Variants in BTBD9 observed in about 807,000 individuals in gnomAD.
BTBD9 encodes BTB/POZ domain-containing protein 9.
A neutral mutation model predicts 64.3 loss-of-function variants in BTBD9; 49 were observed. That is an observed-to-expected ratio of 0.76 (90% CI 0.61 to 0.97). The LOEUF is 0.97. Among genes scored for constraint, BTBD9 ranks in the 50% least tolerant of loss-of-function variants. BTBD9 has a pLI of 0.00. For missense variants in BTBD9, 598 were observed against 762.1 expected, an observed-to-expected ratio of 0.78 and a Z score of 2.53; for synonymous variants, 260 against 274.7, an observed-to-expected ratio of 0.95 and a Z score of 0.53.
At chr6:38,290,394 A>G (rs991596428) in intron 7 of BTBD9, among the ~76,000 whole-genome samples, 4 of 151,958 alleles carry the variant, frequency 2.6e-5, no homozygotes, top group Non-Finnish European at 4.4e-5. Flanking sequence ...AAAGGGCAGT[A>G]TTCTTTGATT....
chr6:38,424,977 C>T (rs1280317549), intron 6 of BTBD9, among the ~76,000 whole-genome samples: 1 of 151,654 alleles, frequency 6.6e-6, no homozygotes, highest in Non-Finnish European at 1.5e-5. Context: ...GCTGGGATTA[C>T]AGGCACATGC....
chr6:38,273,507 T>C (rs1271999428), intron 8 of BTBD9, among the ~76,000 whole-genome samples: 1 of 152,164 alleles, frequency 6.6e-6, no homozygotes, highest in African/African-American at 2.4e-5. Flanking sequence ...GTAGAGATAA[T>C]GACATGCAAT....
chr6:38,374,290 T>TATATATAC (rs1344883215), intron 6 of BTBD9, among the ~76,000 whole-genome samples: 1,908 of 72,068 alleles, frequency 0.026, 212 homozygotes, highest in South Asian at 0.036. Flanking sequence ...AAAGTATATA[T>TATATATAC]ATATATGTAT....
chr6:38,360,913 G>A (rs139404451), intron 6 of BTBD9, among the ~76,000 whole-genome samples: 20 of 152,316 alleles, frequency 1.3e-4, no homozygotes, highest in Non-Finnish European at 2.5e-4. Context: ...TTTAAATGCT[G>A]CAAAGGGAAA....
intron 6 of BTBD9, among the ~76,000 whole-genome samples, chr6:38,505,715 C>T (rs183143978): frequency 1.3e-5 from 2 of 151,816 alleles, no homozygotes; most frequent in African/African-American, 4.8e-5. Flanking sequence ...GCCTGTAATC[C>T]TAGCACTTTG....
intron 6 of BTBD9, among the ~76,000 whole-genome samples, chr6:38,416,524 T>G (rs2127267971): frequency 7.0e-6 from 1 of 142,834 alleles, no homozygotes; most frequent in Admixed American, 7.0e-5. Flanking sequence ...TTTTTTTTTT[T>G]TAGTACAGAC....
intron 10 of BTBD9, among the ~76,000 whole-genome samples, chr6:38,190,793 CTCT>C (rs1345044365): frequency 2.6e-5 from 4 of 152,192 alleles, no homozygotes; most frequent in African/African-American, 7.2e-5. Context: ...GTCCAAGATT[CTCT>C]TCTTCTTCCT....
At position 38,443,945 on chromosome 6, in the gene BTBD9, T is replaced by C. The variant is rs571443861; in HGVS notation, c.1155-98852A>G. On this transcript the variant is annotated intron_variant, in intron 6 of 10. Transcript: ENST00000481247. ...TACAAATCTGCTTGTGTCATTCCCC[T>C]GCTTAAGTGGTTTCCTGCCTCTACA... is the stretch of plus-strand genomic sequence containing the variant. Among the ~76,000 whole-genome samples, 21 of 152,292 alleles carry C rather than the reference T, an allele frequency of 1.4e-4. No homozygotes were observed. The East Asian group carries it at 4.1e-3, about 29-fold the overall frequency.
intron 6 of BTBD9, among the ~76,000 whole-genome samples, chr6:38,573,637 T>C (rs1340889609): frequency 2.0e-5 from 3 of 152,208 alleles, no homozygotes; most frequent in South Asian, 2.1e-4. Flanking sequence ...TCCCAGGTTT[T>C]AGACCAAGAT....
At chr6:38,611,361 T>C (rs1430970524) in intron 1 of BTBD9, among the ~76,000 whole-genome samples, 1 of 152,174 alleles carries the variant, frequency 6.6e-6, no homozygotes, top group Non-Finnish European at 1.5e-5. Flanking sequence ...TGGATTTCTC[T>C]TTTACATAAA....
intron 3 of BTBD9, among the ~76,000 whole-genome samples, chr6:38,593,174 A>T (rs939496874): frequency 4.6e-5 from 7 of 152,254 alleles, no homozygotes; most frequent in African/African-American, 1.7e-4. Context: ...AAGAGAGTGT[A>T]CATTGTTAAG....
At chr6:38,356,963 T>C (rs1050926082) in intron 6 of BTBD9, among the ~76,000 whole-genome samples, 8 of 152,066 alleles carry the variant, frequency 5.3e-5, no homozygotes, top group Non-Finnish European at 1.2e-4. Context: ...GTGTTGGAGG[T>C]GTTACTGAGT....
intron 6 of BTBD9, among the ~76,000 whole-genome samples, chr6:38,490,919 C>A (rs944952155): frequency 1.3e-5 from 2 of 152,120 alleles, no homozygotes; most frequent in African/African-American, 4.8e-5. Context: ...AGAAAAGGCA[C>A]CAGGTAATCT....
intron 6 of BTBD9, chr6:38,402,992 A>G: frequency 1.8e-6 from 1 of 554,846 alleles, no homozygotes; most frequent in Non-Finnish European, 3.3e-6. Flanking sequence ...AGAATTGCTT[A>G]AGCCTGGGAC....
intron 7 of BTBD9, among the ~76,000 whole-genome samples, chr6:38,341,592 A>G (rs2127588007): frequency 6.6e-6 from 1 of 152,350 alleles, no homozygotes; most frequent in East Asian, 1.9e-4. Context: ...AACTTGGCAA[A>G]TACTATGCAA....
At chr6:38,251,857 A>T (rs1764414786) in intron 9 of BTBD9, among the ~76,000 whole-genome samples, 1 of 149,764 alleles carries the variant, frequency 6.7e-6, no homozygotes, top group East Asian at 2.0e-4. Context: ...ACGCCACTGC[A>T]CTCCAGCTTG....
intron 6 of BTBD9, among the ~76,000 whole-genome samples, chr6:38,551,426 C>CA: frequency 6.6e-6 from 1 of 152,154 alleles, no homozygotes; most frequent in Non-Finnish European, 1.5e-5. Flanking sequence ...ATGAGACTAG[C>CA]AAAGTAGGCC....
intron 6 of BTBD9, among the ~76,000 whole-genome samples, chr6:38,436,843 T>C (rs1768765457): frequency 6.6e-6 from 1 of 152,218 alleles, no homozygotes; most frequent in Non-Finnish European, 1.5e-5. Flanking sequence ...ATTATTCAAG[T>C]CACAGAGTGA....
chr6:38,438,131 G>T (rs114446056), intron 6 of BTBD9, among the ~76,000 whole-genome samples: 3 of 148,832 alleles, frequency 2.0e-5, no homozygotes, highest in African/African-American at 7.4e-5. Context: ...CTAGCTTGAA[G>T]AATACTACTA....
Sources: gnomAD v4.1 joint callset for allele counts (sites outside exome capture counted in the v4.1 genomes callset) on GRCh38, gnomAD v4.1.1 for gene constraint, MANE v1.5 for transcripts, NCBI Gene and HGNC (gene_info 2026-07-23, HGNC 2026-07-21) for gene names.